The following RARB variants were observed in gnomAD, a reference collection of about 807,000 sequenced individuals.
The protein encoded by RARB is retinoic acid receptor beta.
RARB carries 17 observed loss-of-function variants against 51.9 expected under a neutral mutation model. That is an observed-to-expected ratio of 0.33 (90% CI 0.22 to 0.49). The LOEUF (loss-of-function observed/expected upper bound fraction) is 0.49. Among genes scored for constraint, RARB ranks in the 20% least tolerant of loss-of-function variants. The probability of loss-of-function intolerance (pLI) is 0.99; values close to 1 mark genes in which losing one functional copy is unlikely to be tolerated. For synonymous variants in RARB, 215 were observed against 195.4 expected (o/e 1.10, Z -0.84); for missense variants, 369 against 550.8 (o/e 0.67, Z 3.30).
intron 2 of RARB, among the ~76,000 whole-genome samples, chr3:25,037,585 C>G (rs1698023765): frequency 6.6e-6 from 1 of 152,194 alleles, no homozygotes; most frequent in Non-Finnish European, 1.5e-5. Flanking sequence ...ACAACAAGGA[C>G]TGGGACTTTC....
At chr3:25,341,564 T>A (rs986294047) in intron 5 of RARB, among the ~76,000 whole-genome samples, 1 of 152,106 alleles carries the variant, frequency 6.6e-6, no homozygotes, top group Non-Finnish European at 1.5e-5. Flanking sequence ...ATTGATGACT[T>A]CTCTCTGTGG....
chr3:25,546,439 G>C lies in RARB; in HGVS notation c.449-23319G>C, dbSNP rs182046232. Among the ~76,000 whole-genome samples the C allele has an allele frequency of 2.0e-4, 30 of 152,272 alleles. No individual in the cohort carries two copies. The East Asian group carries it at 5.6e-3, about 29-fold the overall frequency. On this transcript the variant is annotated intron_variant, in intron 3 of 7. Coordinates refer to ENST00000330688, the MANE Select transcript of RARB (RefSeq NM_000965.5). The stretch of plus-strand genomic sequence containing the variant: ...AGAGGTGCTGGGGCCCTGGAGAGCA[G>C]GGAGCGATGAGTGGTGGGGAGGAGT...
At chr3:24,992,731 C>A (rs144889543) in intron 2 of RARB, among the ~76,000 whole-genome samples, 1 of 152,264 alleles carries the variant, frequency 6.6e-6, no homozygotes, top group Admixed American at 6.5e-5. Context: ...ATCCTAATTT[C>A]CTCTTTTTAT....
chr3:25,438,041 C>T (rs893513495), intron 1 of RARB, among the ~76,000 whole-genome samples: 1 of 152,194 alleles, frequency 6.6e-6, no homozygotes, highest in African/African-American at 2.4e-5. Context: ...GCTCCGCATG[C>T]TGTCAGCTGG....
intron 3 of RARB, among the ~76,000 whole-genome samples, chr3:25,074,496 A>G (rs1328280726): frequency 1.3e-5 from 2 of 152,146 alleles, no homozygotes; most frequent in African/African-American, 2.4e-5. Flanking sequence ...GTCAATCTCC[A>G]TAAGGCCCAA....
At chr3:24,841,002 A>G (rs1231529214) in intron 1 of RARB, among the ~76,000 whole-genome samples, 3 of 152,316 alleles carry the variant, frequency 2.0e-5, no homozygotes, top group Middle Eastern at 3.4e-3. Context: ...TTTGCACAGT[A>G]TTTTGGAGAT....
chr3:25,508,390 T>A (rs1374197835), intron 3 of RARB, among the ~76,000 whole-genome samples: 1 of 152,192 alleles, frequency 6.6e-6, no homozygotes, highest in African/African-American at 2.4e-5. Flanking sequence ...ATTTCCCCTT[T>A]ACTGTTAAAC....
intron 2 of RARB, among the ~76,000 whole-genome samples, chr3:24,901,586 C>CT (rs1410724359): frequency 6.6e-6 from 1 of 152,138 alleles, no homozygotes; most frequent in East Asian, 1.9e-4. Context: ...TTATCAAAGC[C>CT]TTTGGTAATC....
rs572957818 is a variant in RARB, at chr3:25,135,172, A to G, written c.-280+2964A>G. On this transcript the variant is annotated intron_variant, in intron 4 of 11. Coordinates refer to the RARB transcript ENST00000383772. ...AGAAATTGTTTCGATCCATCGATAG[A>G]GTAGCCACTAGCCAGGTGTGGCTAT... Among the ~76,000 whole-genome samples, 7 of 152,050 alleles carry G rather than the reference A, an allele frequency of 4.6e-5. No homozygotes were observed. The East Asian group carries it at 1.4e-3, about 29-fold the overall frequency.
chr3:25,416,278 A>G (rs569449357), intron 5 of RARB, among the ~76,000 whole-genome samples: 5 of 152,312 alleles, frequency 3.3e-5, no homozygotes, highest in South Asian at 2.1e-4. Flanking sequence ...AGTCCCAGCT[A>G]CTTACGGGGT....
At chr3:25,489,945 C>T (rs754797452) in intron 2 of RARB, among the ~76,000 whole-genome samples, 2 of 152,252 alleles carry the variant, frequency 1.3e-5, no homozygotes, top group African/African-American at 2.4e-5. Flanking sequence ...ACAGCTTTTC[C>T]ATACAAGGAC....
chr3:24,907,639 C>A (rs1694894955), intron 2 of RARB, among the ~76,000 whole-genome samples: 2 of 152,012 alleles, frequency 1.3e-5, no homozygotes, highest in South Asian at 4.1e-4. Context: ...CATGTGTAGT[C>A]AGCTTACTTA....
At chr3:25,065,893 G>T (rs991437675) in intron 3 of RARB, among the ~76,000 whole-genome samples, 1 of 152,018 alleles carries the variant, frequency 6.6e-6, no homozygotes, top group African/African-American at 2.4e-5. Context: ...TGACTTTTGT[G>T]GTTGTTCTGT....
chr3:25,396,625 T>C (rs1040358657), intron 5 of RARB, among the ~76,000 whole-genome samples: 3 of 152,082 alleles, frequency 2.0e-5, no homozygotes, highest in Non-Finnish European at 4.4e-5. Flanking sequence ...CGTCTTCAGC[T>C]ACCAGGGCAG....
At chr3:25,562,144 G>A (rs1700295410) in intron 3 of RARB, among the ~76,000 whole-genome samples, 1 of 152,124 alleles carries the variant, frequency 6.6e-6, no homozygotes, top group Admixed American at 6.6e-5. Flanking sequence ...GATACACGAG[G>A]GCAGCTTGGG....
At chr3:24,843,969 T>C (rs973705259) in intron 1 of RARB, among the ~76,000 whole-genome samples, 13 of 151,582 alleles carry the variant, frequency 8.6e-5, no homozygotes, top group African/African-American at 2.9e-4. Context: ...GGTCAATGCA[T>C]GCTCACTTGC....
chr3:25,478,134 A>T (rs1696050521), intron 2 of RARB, among the ~76,000 whole-genome samples: 1 of 152,266 alleles, frequency 6.6e-6, no homozygotes, highest in East Asian at 1.9e-4. Flanking sequence ...TAGGAGCCAC[A>T]TGGCCTTTTA....
intron 2 of RARB, among the ~76,000 whole-genome samples, chr3:24,863,413 G>A (rs7610607): frequency 0.41 from 62,253 of 151,972 alleles, 17,521 homozygotes; most frequent in African/African-American, 0.78. Context: ...CTCTATCTCG[G>A]GAGGCAGTTC....
intron 1 of RARB, among the ~76,000 whole-genome samples, chr3:24,852,609 C>G (rs1012980680): frequency 6.6e-6 from 1 of 152,052 alleles, no homozygotes; most frequent in Non-Finnish European, 1.5e-5. Context: ...AAATAAATGT[C>G]CACCGAATGG....
Sources: allele counts gnomAD v4.1 joint callset (sites outside exome capture counted in the v4.1 genomes callset), GRCh38; gene constraint gnomAD v4.1.1; transcripts MANE v1.5; gene names NCBI Gene and HGNC (gene_info 2026-07-23, HGNC 2026-07-21).